Variants in ARHGAP20 observed in about 807,000 individuals in gnomAD.
The protein encoded by ARHGAP20 is rho GTPase-activating protein 20.
ARHGAP20 carries 34 observed loss-of-function variants against 73.7 expected under a neutral mutation model. That is an observed-to-expected ratio of 0.46 (90% CI 0.35 to 0.61). The LOEUF is 0.61. ARHGAP20 is among the 20% of genes least tolerant of loss of function. The pLI is 0.00. For missense variants in ARHGAP20, 1,314 were observed against 1,420.9 expected (o/e 0.92, Z 1.21); for synonymous variants, 523 against 518.2 (o/e 1.01, Z -0.13).
chr11:110,653,652 A>C (rs192821712), intron 2 of ARHGAP20, among the ~76,000 whole-genome samples: 39 of 152,328 alleles, frequency 2.6e-4, no homozygotes, highest in African/African-American at 9.1e-4. Flanking sequence ...ACCATTGCGG[A>C]AGACAGTGTG....
At chr11:110,661,022 A>G (rs913354751) in intron 2 of ARHGAP20, among the ~76,000 whole-genome samples, 1 of 152,226 alleles carries the variant, frequency 6.6e-6, no homozygotes, top group Admixed American at 6.5e-5. Context: ...AGAAGTTTAC[A>G]TAATTCCAAA....
At chr11:110,704,112 A>G (rs1348870258) in intron 1 of ARHGAP20, among the ~76,000 whole-genome samples, 3 of 152,230 alleles carry the variant, frequency 2.0e-5, no homozygotes, top group Non-Finnish European at 2.9e-5. Context: ...TCAGACAGCC[A>G]TATCAAATGA....
At chr11:110,615,624 T>A in intron 4 of ARHGAP20, 30 bp from the exon 5 acceptor site, 1 of 1,591,094 alleles carries the variant, frequency 6.3e-7, no homozygotes, top group Non-Finnish European at 8.6e-7. Context: ...GAGAGAAAAA[T>A]TAAACCACAT....
intron 1 of ARHGAP20, among the ~76,000 whole-genome samples, chr11:110,705,607 A>T (rs1454892988): frequency 6.6e-6 from 1 of 152,186 alleles, no homozygotes; most frequent in Non-Finnish European, 1.5e-5. Flanking sequence ...TTAGAGTCAC[A>T]AAAATTAATT....
intron 9 of ARHGAP20, among the ~76,000 whole-genome samples, chr11:110,600,641 T>C (rs1268836682): frequency 6.6e-6 from 1 of 152,232 alleles, no homozygotes; most frequent in African/African-American, 2.4e-5. Context: ...AATACATCAC[T>C]GTCCACAGAG....
chr11:110,588,007 G>T (rs1947716143), intron 11 of ARHGAP20, among the ~76,000 whole-genome samples: 2 of 152,174 alleles, frequency 1.3e-5, no homozygotes, highest in African/African-American at 4.8e-5. Context: ...ATGTGGTAGG[G>T]ACAATAGCTC....
At position 110,578,481 on chromosome 11, in the gene ARHGAP20, G is replaced by A. The variant is rs2023; in HGVS notation, c.*889C>T. 3 of 985,292 alleles carry A rather than the reference G, an allele frequency of 3.0e-6. No individual in the cohort carries two copies. Among genetic ancestry groups the A allele is most frequent in the Non-Finnish European group, 1.2e-6 (1 of 829,928 alleles). 61.0% of individuals were successfully genotyped at this position (985,292 alleles called of 1,614,324 possible). ...TTGATCACATTTTAACAGCATTTGT[G>A]TAATTGAGAAAGGACAGTTGTTGTG... is the stretch of plus-strand genomic sequence containing the variant. On this transcript the variant is annotated 3_prime_UTR_variant, in exon 15 of 15. Transcript: ENST00000683387.
chr11:110,637,834 G>T (rs1948999894), intron 2 of ARHGAP20, among the ~76,000 whole-genome samples: 1 of 152,122 alleles, frequency 6.6e-6, no homozygotes, highest in East Asian at 1.9e-4. Context: ...TCTAAAGGAT[G>T]AACAGAGAGA....
intron 14 of ARHGAP20, 49 bp downstream of exon 14, chr11:110,582,272 C>T (rs1257520957): frequency 6.9e-7 from 1 of 1,451,230 alleles, no homozygotes; most frequent in Non-Finnish European, 9.7e-7. Flanking sequence ...CGTTTACAAA[C>T]AACCATGTGT....
intron 11 of ARHGAP20, chr11:110,589,446 T>A: frequency 5.1e-6 from 5 of 985,362 alleles, no homozygotes; most frequent in Non-Finnish European, 6.0e-6. Flanking sequence ...GGAGTAGGGG[T>A]ATGCAAGAAT....
intron 12 of ARHGAP20, among the ~76,000 whole-genome samples, chr11:110,584,987 A>ATATATATGAATATATGAATATGT (rs2134796976): frequency 1.2e-5 from 1 of 83,314 alleles, no homozygotes; most frequent in Middle Eastern, 7.9e-3. Flanking sequence ...ATATGTGAAA[A>ATATATATGAATATATGAATATGT]TATATATGAA....
At chr11:110,654,471 A>C (rs1161396731) in intron 2 of ARHGAP20, among the ~76,000 whole-genome samples, 1 of 152,256 alleles carries the variant, frequency 6.6e-6, no homozygotes, top group Non-Finnish European at 1.5e-5. Context: ...AAGTCTTTAA[A>C]ATTTTAGTAA....
rs148993095 is a variant in ARHGAP20 at position 110,651,065 on chromosome 11, A to G, written c.189-20273T>C. 7.2e-5 allele frequency among the ~76,000 whole-genome samples: 11 copies of G among 152,322 alleles called. No homozygotes were observed. In the East Asian group the frequency reaches 2.1e-3, roughly 29 times the overall value. On this transcript the variant is annotated intron_variant, in intron 2 of 14. Transcript: ENST00000683387. ...TCAGACCACAGCACAATCAAATTAG[A>G]ACTCAAGATTAAGAAACTCACTCAA...
chr11:110,677,186 A>G (rs1949949017), intron 2 of ARHGAP20, among the ~76,000 whole-genome samples: 1 of 152,190 alleles, frequency 6.6e-6, no homozygotes, highest in African/African-American at 2.4e-5. Flanking sequence ...GCATGTACAT[A>G]TATAATACTA....
chr11:110,614,418 C>T, intron 6 of ARHGAP20, 143 bp downstream of exon 6: 1 of 651,190 alleles, frequency 1.5e-6, no homozygotes, highest in Non-Finnish European at 2.6e-6. Flanking sequence ...ATGCATTTTC[C>T]CCCTGTGGTA....
intron 2 of ARHGAP20, 77 bp from the exon 3 acceptor site, chr11:110,630,869 T>G: frequency 1.4e-6 from 2 of 1,475,148 alleles, no homozygotes; most frequent in South Asian, 2.6e-5. Flanking sequence ...TTCTGTAATT[T>G]TTTTTAATAC....
At chr11:110,629,231 C>T (rs1467870585) in intron 3 of ARHGAP20, among the ~76,000 whole-genome samples, 4 of 152,046 alleles carry the variant, frequency 2.6e-5, no homozygotes, top group South Asian at 2.1e-4. Flanking sequence ...AAGAAGCAGC[C>T]GTTGGAAGTA....
chr11:110,687,887 A>C (rs1950167023), intron 2 of ARHGAP20, among the ~76,000 whole-genome samples: 1 of 152,222 alleles, frequency 6.6e-6, no homozygotes, highest in Admixed American at 6.5e-5. Flanking sequence ...GTCAGATAAG[A>C]AATTTCATGT....
chr11:110,605,149 G>A (rs1393415683), intron 9 of ARHGAP20, among the ~76,000 whole-genome samples: 3 of 152,126 alleles, frequency 2.0e-5, no homozygotes, highest in African/African-American at 7.2e-5. Context: ...CGATAACCAT[G>A]GAATTCAAGT....
Sources: allele counts gnomAD v4.1 joint callset (sites outside exome capture counted in the v4.1 genomes callset), GRCh38; gene constraint gnomAD v4.1.1; transcripts MANE v1.5; gene names NCBI Gene and HGNC (gene_info 2026-07-23, HGNC 2026-07-21).